Variants in FBXW7 observed in about 807,000 individuals in gnomAD.
FBXW7 encodes the protein F-box/WD repeat-containing protein 7.
Under a neutral mutation model 86.3 loss-of-function variants are expected in FBXW7, and 11 were observed. The observed-to-expected ratio is 0.13, with a 90% CI of 0.08 to 0.21. FBXW7 has a LOEUF of 0.21. Among genes scored for constraint, FBXW7 ranks in the 10% least tolerant of loss-of-function variants. The pLI is 1.00. For synonymous variants in FBXW7, 313 were observed against 297.9 expected, an observed-to-expected ratio of 1.05 and a Z score of -0.52; for missense variants, 488 against 847.4, an observed-to-expected ratio of 0.58 and a Z score of 5.27.
chr4:152,495,432 C>T (rs796358377), intron 2 of FBXW7, among the ~76,000 whole-genome samples: 9 of 151,924 alleles, frequency 5.9e-5, no homozygotes, highest in African/African-American at 9.7e-5. Context: ...CAGAGTGAAA[C>T]TCAACTCAAA....
chr4:152,346,141 G>A (rs182172229), intron 6 of FBXW7, among the ~76,000 whole-genome samples: 11 of 152,018 alleles, frequency 7.2e-5, no homozygotes, highest in Non-Finnish European at 1.5e-4. Context: ...ACTATCTTAG[G>A]TTATAAAGTT....
chr4:152,332,740 A>G (rs748460516), intron 7 of FBXW7, 21 bp from the exon 8 acceptor site: 4 of 1,284,622 alleles, frequency 3.1e-6, no homozygotes, highest in African/African-American at 1.5e-5. Context: ...AATGCATAGT[A>G]TAATACCCAT....
At chr4:152,394,264 G>A (rs1736233974) in intron 4 of FBXW7, among the ~76,000 whole-genome samples, 1 of 152,048 alleles carries the variant, frequency 6.6e-6, no homozygotes. Context: ...ATCTTCCCTT[G>A]CATTTATTCC....
intron 2 of FBXW7, among the ~76,000 whole-genome samples, chr4:152,511,292 G>GCCCCCCCCCCCCCCCCCCCCCCCCCCCCC (rs371477693): frequency 1.1e-5 from 1 of 88,622 alleles, no homozygotes; most frequent in Non-Finnish European, 2.4e-5. Context: ...ACAGCCCCCC[G>GCCCCCCCCCCCCCCCCCCCCCCCCCCCCC]CCCCCCCCAC....
intron 2 of FBXW7, among the ~76,000 whole-genome samples, chr4:152,417,534 A>G (rs1738549400): frequency 6.6e-6 from 1 of 152,150 alleles, no homozygotes; most frequent in Non-Finnish European, 1.5e-5. Flanking sequence ...GAACAGAGGC[A>G]GACCAACAAG....
At chr4:152,488,898 C>G (rs552011094) in intron 2 of FBXW7, among the ~76,000 whole-genome samples, 1 of 152,138 alleles carries the variant, frequency 6.6e-6, no homozygotes, top group African/African-American at 2.4e-5. Flanking sequence ...GATTAATACA[C>G]AATTCCTGCC....
chr4:152,408,832 C>T (rs909779709), intron 4 of FBXW7, among the ~76,000 whole-genome samples: 37 of 152,154 alleles, frequency 2.4e-4, no homozygotes, highest in African/African-American at 8.9e-4. Flanking sequence ...GTGGATCATT[C>T]GGCCTCTCTG....
chr4:152,456,900 C>A, intron 2 of FBXW7, among the ~76,000 whole-genome samples: 1 of 152,140 alleles, frequency 6.6e-6, no homozygotes, highest in East Asian at 1.9e-4. Context: ...ACATAAAAAA[C>A]CATGCACCAA....
intron 4 of FBXW7, among the ~76,000 whole-genome samples, chr4:152,378,072 A>G (rs1734719593): frequency 6.6e-6 from 1 of 152,178 alleles, no homozygotes; most frequent in Non-Finnish European, 1.5e-5. Flanking sequence ...AGAAAGGCAG[A>G]GAGAGCTGAG....
At chr4:152,517,897 T>G (rs1054942304) in intron 2 of FBXW7, among the ~76,000 whole-genome samples, 1 of 152,230 alleles carries the variant, frequency 6.6e-6, no homozygotes, top group Non-Finnish European at 1.5e-5. Context: ...TGATTCTTTC[T>G]ACCCCAACCC....
chr4:152,338,155 CAT>C (rs767139282), intron 6 of FBXW7: 9 of 353,794 alleles, frequency 2.5e-5, no homozygotes, highest in Non-Finnish European at 4.0e-5. Context: ...TAAAAAAAAA[CAT>C]GTTTGACAGA....
chr4:152,462,846 T>C (rs1331879271), intron 2 of FBXW7, among the ~76,000 whole-genome samples: 1 of 152,106 alleles, frequency 6.6e-6, no homozygotes, highest in East Asian at 1.9e-4. Context: ...TTGATTTCTA[T>C]TCCTTCCACC....
chr4:152,535,608 C>T lies in FBXW7; in HGVS notation c.-694G>A. The T allele has an allele frequency of 2.5e-6, 1 of 397,148 alleles. No homozygotes were observed. Among genetic ancestry groups the T allele is most frequent in the Non-Finnish European group, 4.4e-6 (1 of 225,102 alleles). The allele number at this position is 397,148 out of a possible 1,614,324, so 24.6% of individuals were successfully genotyped here. On this transcript the variant is annotated 5_prime_UTR_variant, in exon 1 of 14. Coordinates refer to ENST00000281708, the MANE Select transcript of FBXW7 (RefSeq NM_001349798.2). ...GCGGCAAGGCGAGGGACCCGGCCGGCTCCGCTCGGCGCCGCCCCCGCTCCC... is the reference window on the plus strand; with the variant it reads ...GCGGCAAGGCGAGGGACCCGGCCGGTTCCGCTCGGCGCCGCCCCCGCTCCC...
chr4:152,374,230 C>T (rs1478328756), intron 4 of FBXW7, among the ~76,000 whole-genome samples: 1 of 152,022 alleles, frequency 6.6e-6, no homozygotes, highest in East Asian at 1.9e-4. Flanking sequence ...GCTCATACCA[C>T]CACCCTATTC....
chr4:152,483,708 A>C (rs1319711761), intron 2 of FBXW7, among the ~76,000 whole-genome samples: 1 of 151,984 alleles, frequency 6.6e-6, no homozygotes, highest in Non-Finnish European at 1.5e-5. Context: ...CAAAAAACAA[A>C]AACAAAAAAC....
intron 2 of FBXW7, among the ~76,000 whole-genome samples, chr4:152,483,490 C>T (rs1443145522): frequency 1.3e-5 from 2 of 151,642 alleles, no homozygotes; most frequent in African/African-American, 4.8e-5. Flanking sequence ...ATCACTTGAG[C>T]CCAGGAGTCC....
In FBXW7 at chr4:152,503,187, T is replaced by A. The variant is rs956466422; in HGVS notation, c.-120+31754A>T. On this transcript the variant is annotated intron_variant, in intron 2 of 13. Coordinates refer to ENST00000281708, the MANE Select transcript of FBXW7 (RefSeq NM_001349798.2). ...ATCATATGGAAGACCTTTCTAATAA[T>A]ACGAAAAATCAACAGATTCAAAATG... is the stretch of plus-strand genomic sequence containing the variant. Among the ~76,000 whole-genome samples, 5 of 152,200 alleles carry A rather than the reference T, an allele frequency of 3.3e-5. No homozygotes were observed. The East Asian group carries it at 9.6e-4, about 29-fold the overall frequency.
Position 152,322,632 on chromosome 4 carries a change from C to T in FBXW7, c.*249G>A. 1.9e-6 allele frequency: 1 copy of T among 513,652 alleles called. No homozygotes were observed. The highest frequency in any genetic ancestry group is 3.3e-6 in the Non-Finnish European group (1 of 306,704). The allele number at this position is 513,652 out of a possible 1,614,324, so 31.8% of individuals were successfully genotyped here. A position where few individuals can be genotyped will look rare whatever the true frequency, so the allele number is the denominator to read the frequency against. ...TAGAAAGTCTCATTTTGCAAAGCTG[C>T]CCTCAGTCAAAAGTGAAGCCTTTTA... is the stretch of plus-strand genomic sequence containing the variant. On this transcript the variant is annotated 3_prime_UTR_variant, in exon 14 of 14. Transcript: ENST00000281708.
chr4:152,346,896 G>A (rs1363351630), intron 6 of FBXW7, 34 bp downstream of exon 6: 3 of 1,608,880 alleles, frequency 1.9e-6, no homozygotes, highest in East Asian at 4.5e-5. Context: ...GCAATTAAGT[G>A]AGGCATTTCA....
Sources: allele counts gnomAD v4.1 joint callset (sites outside exome capture counted in the v4.1 genomes callset), GRCh38; gene constraint gnomAD v4.1.1; transcripts MANE v1.5; gene names NCBI Gene and HGNC (gene_info 2026-07-23, HGNC 2026-07-21).